AP3D1: variants seen among roughly 807,000 people sequenced by gnomAD.
AP3D1 encodes AP-3 complex subunit delta-1.
In AP3D1, 51 loss-of-function variants were observed where a neutral mutation model predicts 147.6. That is an observed-to-expected ratio of 0.35 (90% CI 0.28 to 0.44). The LOEUF (loss-of-function observed/expected upper bound fraction) is 0.44. AP3D1 is among the 20% of genes least tolerant of loss of function. The probability of loss-of-function intolerance (pLI) is 1.00; values close to 1 mark genes in which losing one functional copy is unlikely to be tolerated. For missense variants in AP3D1, 1,421 were observed against 1,624.2 expected (o/e 0.87, Z 2.15); for synonymous variants, 760 against 663.0 (o/e 1.15, Z -2.25).
At chr19:2,108,582 C>T in intron 31 of AP3D1, 105 bp downstream of exon 31, 1 of 1,048,516 alleles carries the variant, frequency 9.5e-7, no homozygotes, top group East Asian at 2.6e-5. Flanking sequence ...CATCACTGTC[C>T]TCGAGCCCTC....
intron 31 of AP3D1, 75 bp from the exon 32 acceptor site, chr19:2,102,343 C>T: frequency 7.3e-7 from 1 of 1,370,698 alleles, no homozygotes; most frequent in Admixed American, 1.7e-5. Context: ...TCTGTGATCC[C>T]AGCATTTTGG....
chr19:2,108,654 G>A, intron 31 of AP3D1, 33 bp downstream of exon 31: 4 of 1,554,328 alleles, frequency 2.6e-6, no homozygotes, highest in Non-Finnish European at 3.5e-6. Context: ...GAGGTGGCAG[G>A]AGCCAGGGTG....
intron 19 of AP3D1, 58 bp from the exon 20 acceptor site, chr19:2,115,476 G>A (rs2018419627): frequency 6.2e-7 from 1 of 1,608,472 alleles, no homozygotes. Context: ...CACGGGGAGG[G>A]CGGCGGGAGC....
intron 1 of AP3D1, among the ~76,000 whole-genome samples, chr19:2,149,265 G>C (rs1181253808): frequency 6.6e-6 from 1 of 151,906 alleles, no homozygotes; most frequent in East Asian, 1.9e-4. Flanking sequence ...ATGTTTCCCA[G>C]CCGGGTGCAG....
At chr19:2,131,119 C>A (rs1184213836) in intron 5 of AP3D1, among the ~76,000 whole-genome samples, 11 of 152,262 alleles carry the variant, frequency 7.2e-5, no homozygotes, top group Non-Finnish European at 1.3e-4. Flanking sequence ...GCCTTCACAA[C>A]CAAGGCCACC....
Position 2,115,067 on chromosome 19 carries a change from G to C in AP3D1, c.2349+152C>G, listed in dbSNP as rs531661253. 4 of 885,032 alleles carry C rather than the reference G, an allele frequency of 4.5e-6. No individual in the cohort carries two copies. The East Asian group carries it at 1.1e-4, about 23-fold the overall frequency. 54.8% of individuals were successfully genotyped at this position (885,032 alleles called of 1,614,324 possible). On this transcript the variant is annotated intron_variant, in intron 20 of 31. Coordinates refer to ENST00000643116, the MANE Select transcript of AP3D1 (RefSeq NM_001261826.3). ...CGGTGCGTCGGGACGCGTGCTCGAGGACAGAGAGGCCTCTCCTCCTATGCT... is the reference window on the plus strand; with the variant it reads ...CGGTGCGTCGGGACGCGTGCTCGAGCACAGAGAGGCCTCTCCTCCTATGCT...
At chr19:2,107,708 C>G (rs535700823) in intron 31 of AP3D1, among the ~76,000 whole-genome samples, 1 of 150,928 alleles carries the variant, frequency 6.6e-6, no homozygotes, top group East Asian at 1.9e-4. Context: ...CCACTGCACT[C>G]CAGCCTGGGC....
intron 9 of AP3D1, 48 bp from the exon 10 acceptor site, chr19:2,123,927 G>GC: frequency 6.4e-7 from 1 of 1,552,392 alleles, no homozygotes; most frequent in African/African-American, 1.4e-5. Flanking sequence ...CATGGCCAGC[G>GC]CCGACACCAA....
chr19:2,134,335 C>T (rs1315885689), intron 4 of AP3D1, among the ~76,000 whole-genome samples: 1 of 151,704 alleles, frequency 6.6e-6, no homozygotes, highest in Non-Finnish European at 1.5e-5. Flanking sequence ...GTGGGGAGAT[C>T]GCTTGAGCCT....
intron 5 of AP3D1, among the ~76,000 whole-genome samples, chr19:2,131,032 C>T (rs1278743939): frequency 1.3e-5 from 2 of 152,252 alleles, no homozygotes; most frequent in African/African-American, 2.4e-5. Flanking sequence ...CTAGAGGAGC[C>T]GGCACTCTGT....
At chr19:2,125,628 A>G (rs2018732399) in intron 9 of AP3D1, among the ~76,000 whole-genome samples, 1 of 152,104 alleles carries the variant, frequency 6.6e-6, no homozygotes, top group Non-Finnish European at 1.5e-5. Flanking sequence ...CAGGAGTGTT[A>G]TGTGAATATA....
chr19:2,164,585 A>AGCCC (rs775673264), upstream of AP3D1: 6 of 210,324 alleles, frequency 2.9e-5, no homozygotes, highest in South Asian at 1.9e-4. Flanking sequence ...TTTGACTGGA[A>AGCCC]GCCCGCCCGC....
intron 9 of AP3D1, 80 bp downstream of exon 9, chr19:2,127,072 C>G: frequency 6.8e-7 from 1 of 1,477,028 alleles, no homozygotes; most frequent in Admixed American, 1.7e-5. Context: ...AGACACCAGG[C>G]CTGGCGCCCT....
In AP3D1 at chr19:2,109,960, T is replaced by C; in HGVS notation, c.3265-2A>G. 1 of 1,613,628 alleles carries C rather than the reference T, an allele frequency of 6.2e-7. No individual in the cohort carries two copies. The highest frequency in any genetic ancestry group is 8.5e-7 in the Non-Finnish European group (1 of 1,179,924). On this transcript the variant is annotated splice_acceptor_variant, in intron 28 of 31. Coordinates refer to ENST00000643116, the MANE Select transcript of AP3D1 (RefSeq NM_001261826.3). LOFTEE classifies it high-confidence loss of function. ...CTCGTGGGTCGCACCCTCGTCATTC[T>C]GCGGTGGAGTGAAGGTGGTGCAGTT...
Position 2,113,343 on chromosome 19 carries a change from G to C in AP3D1, c.2672C>G (p.Pro891Arg). The C allele has an allele frequency of 7.7e-7, 1 of 1,292,016 alleles. No homozygotes were observed. Among genetic ancestry groups the C allele is most frequent in the Non-Finnish European group, 1.0e-6 (1 of 955,300 alleles). 80.0% of individuals were successfully genotyped at this position (1,292,016 alleles called of 1,614,324 possible). Residue 891 changes from proline to arginine, a missense_variant, in exon 23 of 32, where the codon CCA (proline) becomes CGA (arginine). Physicochemically the swap from Pro to Arg is moderately radical, Grantham distance 103. This residue lies in a region of AP3D1 where 791 missense variants were observed against 761.4 expected (regional missense o/e 1.04). Transcript: ENST00000643116. ...CAGCTGCCAGTCTCTTACCGTGGAT[G>C]GAACGGGGGCGGGGGCGGGGGCGGG... ...PAPAPAPAPV[P>R]STGELSVNTV...
rs761130132 is a variant in AP3D1, at chr19:2,118,795, G to A, written c.1519C>T (p.Leu507=). The A allele has an allele frequency of 6.2e-7, 1 of 1,613,716 alleles. No individual in the cohort carries two copies. The highest frequency in any genetic ancestry group is 2.2e-5 in the East Asian group (1 of 44,878). ...GGCAGCGTGGTGACTCTGGGCCGCA[G>A]CATGGCCTCCAAAGTGTGGTGTGGT... ...QEPHHTLEAM[L]RPRVTTLPGH... The change falls in exon 15 of 32, where the codon CTG becomes TTG. Residue 507 remains leucine, a synonymous_variant. Transcript: ENST00000643116.
Position 2,151,254 on chromosome 19 carries a change from G to C in AP3D1, c.81C>G (p.Asn27Lys). ...NLQDLVRGIR[N>K]HKEDEAKYIS... is the part of the protein sequence containing the mutation. ...CCGGGCTCACCTCGTCCTCCTTGTG[G>C]TTACGGATGCCGCGGACCAAGTCCT... The change falls in exon 1 of 32, where the codon AAC (asparagine) becomes AAG (lysine). Residue 27 changes from asparagine (N) to lysine (K), a missense_variant. Physicochemically the swap from Asn to Lys is moderately conservative, Grantham distance 94. This residue lies in a region of AP3D1 where 292 missense variants were observed against 412.0 expected (regional missense o/e 0.71). Coordinates refer to ENST00000643116, the MANE Select transcript of AP3D1 (RefSeq NM_001261826.3). The C allele has an allele frequency of 6.2e-7, 1 of 1,611,602 alleles. No homozygotes were observed. Among genetic ancestry groups the C allele is most frequent in the Non-Finnish European group, 8.5e-7 (1 of 1,178,802 alleles).
At chr19:2,124,101 A>G (rs1008295293) in intron 9 of AP3D1, among the ~76,000 whole-genome samples, 1 of 152,230 alleles carries the variant, frequency 6.6e-6, no homozygotes, top group African/African-American at 2.4e-5. Flanking sequence ...ACCCTCACTG[A>G]CAGGATGGCT....
At chr19:2,159,236 T>C (rs1449453053) in intron 1 of AP3D1, among the ~76,000 whole-genome samples, 3 of 151,004 alleles carry the variant, frequency 2.0e-5, no homozygotes, top group Non-Finnish European at 3.0e-5. Flanking sequence ...TTTTTTTTTT[T>C]GAGACGGAGT....
Sources: gnomAD v4.1 joint callset for allele counts (sites outside exome capture counted in the v4.1 genomes callset) on GRCh38, gnomAD v4.1.1 for gene constraint, gnomAD v4.1.1 regional missense constraint, MANE v1.5 for transcripts, NCBI Gene and HGNC (gene_info 2026-07-23, HGNC 2026-07-21) for gene names.